PRRT4: variants seen among roughly 807,000 people sequenced by gnomAD.
The protein encoded by PRRT4 is proline-rich transmembrane protein 4.
In PRRT4, 59 loss-of-function variants were observed where a neutral mutation model predicts 55.6. That is an observed-to-expected ratio of 1.06 (90% CI 0.86 to 1.32). The LOEUF is 1.32. Among genes scored for constraint, PRRT4 ranks in the 40% most tolerant of loss-of-function variants. The pLI, the probability that PRRT4 is intolerant of heterozygous loss-of-function variation, is 0.00. For missense variants in PRRT4, 1,217 were observed against 1,222.0 expected, an observed-to-expected ratio of 1.00 and a Z score of 0.06; for synonymous variants, 606 against 601.8, an observed-to-expected ratio of 1.01 and a Z score of -0.10.
chr7:128,357,030 C>A (rs1158580257), intron 4 of PRRT4, among the ~76,000 whole-genome samples: 1 of 152,188 alleles, frequency 6.6e-6, no homozygotes, highest in Non-Finnish European at 1.5e-5. Flanking sequence ...ATGAAAGCTG[C>A]ACACTGATTA....
rs1452802736 is a variant in PRRT4, at chr7:128,359,129, T to C, written c.757+20A>G. 5.8e-6 allele frequency: 9 copies of C among 1,548,524 alleles called. No homozygotes were observed. Among genetic ancestry groups the C allele is most frequent in the African/African-American group, 2.7e-5 (2 of 72,960 alleles). On this transcript the variant is annotated intron_variant, in intron 3 of 4. Transcript: ENST00000535159. Reference sequence around the variant, plus strand: ...ACGTAGAGTGTTCCACAATAGTTTATTGCAATGAAATAAACTCACCCAGAG... The same window carrying C: ...ACGTAGAGTGTTCCACAATAGTTTACTGCAATGAAATAAACTCACCCAGAG...
Position 128,357,491 on chromosome 7 carries a change from A to G in PRRT4, c.877+1190T>C, listed in dbSNP as rs571336056. Among the ~76,000 whole-genome samples, 59 of 152,258 alleles carry G rather than the reference A, an allele frequency of 3.9e-4. 1 individual carries two copies. In the East Asian group the frequency reaches 0.011, roughly 29 times the overall value. On this transcript the variant is annotated intron_variant, in intron 4 of 4. Coordinates refer to ENST00000535159, the Ensembl canonical transcript of PRRT4. ...CACCAAGGCCGACAGACTGCCAGCC[A>G]GCATCCTTCCCCTGAGGCACAGAAA...
intron 4 of PRRT4, among the ~76,000 whole-genome samples, chr7:128,354,160 C>G (rs534310922): frequency 6.6e-6 from 1 of 152,292 alleles, no homozygotes; most frequent in East Asian, 1.9e-4. Flanking sequence ...CTGATAATCA[C>G]CCAACTGCCT....
chr7:128,351,585 G>A, exon 5 of PRRT4: 1 of 1,503,792 alleles, frequency 6.6e-7, no homozygotes, highest in Non-Finnish European at 8.8e-7. Flanking sequence ...CCTTGTCTGG[G>A]GGCCCAGTGA....
At position 128,358,905 on chromosome 7, in the gene PRRT4, T is replaced by C; in HGVS notation, c.758-105A>G. The C allele has an allele frequency of 6.9e-7, 1 of 1,453,714 alleles. No homozygotes were observed. Among genetic ancestry groups the C allele is most frequent in the Non-Finnish European group, 9.1e-7 (1 of 1,102,168 alleles). The allele number at this position is 1,453,714 out of a possible 1,614,324, so 90.1% of individuals were successfully genotyped here. ...TTCCCCAGAGTTTGTCCTAAGGAAG[T>C]CACTGTCCCAGGAATTGTAGCCACA... On this transcript the variant is annotated intron_variant, in intron 3 of 4. Transcript: ENST00000535159. The surrounding 1 kb of genome is among the most constrained non-coding windows in gnomAD (Gnocchi z 4.4).
upstream of PRRT4, among the ~76,000 whole-genome samples, chr7:128,361,874 C>T (rs1033827218): frequency 6.6e-6 from 1 of 152,186 alleles, no homozygotes; most frequent in East Asian, 1.9e-4. Context: ...ATTCACCCAG[C>T]GCTGTCAATC....
At chr7:128,351,071 G>C (rs975236404) in exon 5 of PRRT4, 6 of 1,549,076 alleles carry the variant, frequency 3.9e-6, no homozygotes, top group Non-Finnish European at 4.4e-6. Context: ...CAGACCAGAG[G>C]GCAGCGCGGG....
intron 4 of PRRT4, 81 bp from the exon 6 acceptor site, chr7:128,352,759 G>T: frequency 1.5e-6 from 2 of 1,310,178 alleles, no homozygotes; most frequent in Non-Finnish European, 2.0e-6. Flanking sequence ...CTGAATGCCA[G>T]TCAGAGTCCC....
intron 4 of PRRT4, among the ~76,000 whole-genome samples, chr7:128,357,228 ACACACACACTCTCTCT>A (rs1272178402): frequency 8.2e-6 from 1 of 121,856 alleles, no homozygotes; most frequent in African/African-American, 3.3e-5. Context: ...ACACACACAC[ACACACACACTCTCTCT>A]CTCTCTCTCT....
chr7:128,361,890 C>G (rs893994233), upstream of PRRT4, among the ~76,000 whole-genome samples: 5 of 152,140 alleles, frequency 3.3e-5, no homozygotes, highest in African/African-American at 1.2e-4. Context: ...CAATCAGCCG[C>G]GGCGGGCGCC....
At chr7:128,359,408 C>A in exon 2 of PRRT4, 9 of 1,465,716 alleles carry the variant, frequency 6.1e-6, no homozygotes, top group Non-Finnish European at 8.1e-6. Flanking sequence ...GGGCAGCGTT[C>A]GATGCCCAAG....
chr7:128,359,002 C>T (rs118083629), intron 3 of PRRT4, 147 bp downstream of exon 4: 11,668 of 1,155,376 alleles, frequency 0.01, 92 homozygotes, highest in Non-Finnish European at 0.013. Flanking sequence ...AGAGAATACT[C>T]CTTCCGTGGA....
chr7:128,359,059 T>TA lies in PRRT4; in HGVS notation c.757+89dup, dbSNP rs890782380. 150 of 1,381,052 alleles carry TA rather than the reference T, an allele frequency of 1.1e-4. No individual in the cohort carries two copies. In the African/African-American group the frequency reaches 2.0e-3, roughly 18 times the overall value. The allele number at this position is 1,381,052 out of a possible 1,614,324, so 85.5% of individuals were successfully genotyped here. On this transcript the variant is annotated intron_variant, in intron 3 of 4. Transcript: ENST00000535159. ...GCCTGGAAGAAGCAATGCAAGAAAGTAAAAAAAGAAAGGTACTTGTTAGGC... is the reference window on the plus strand; with the variant it reads ...GCCTGGAAGAAGCAATGCAAGAAAGTAAAAAAAAGAAAGGTACTTGTTAGGC...
chr7:128,357,616 G>A (rs1797143827), intron 4 of PRRT4, among the ~76,000 whole-genome samples: 1 of 152,234 alleles, frequency 6.6e-6, no homozygotes, highest in African/African-American at 2.4e-5. Context: ...TGCAGTGACT[G>A]TGGCTGGAGT....
intron 4 of PRRT4, among the ~76,000 whole-genome samples, chr7:128,354,570 A>AACACACAC (rs927167837): frequency 3.6e-5 from 3 of 83,486 alleles, no homozygotes; most frequent in South Asian, 7.2e-4. Context: ...GCTCAAAAAA[A>AACACACAC]ACACACACAC....
exon 2 of PRRT4, chr7:128,359,683 C>T (rs1303338424): frequency 6.4e-7 from 1 of 1,551,400 alleles, no homozygotes; most frequent in Admixed American, 2.0e-5. Context: ...CTGAGGAGCC[C>T]ACCAGCAATT....
exon 5 of PRRT4, chr7:128,351,166 G>A (rs959239800): frequency 1.4e-5 from 22 of 1,545,142 alleles, no homozygotes; most frequent in Non-Finnish European, 1.8e-5. Flanking sequence ...GCTGCTGCCT[G>A]CGGGCCAAGC....
In PRRT4 at chr7:128,351,443, C is replaced by T. The variant is rs1368452653; in HGVS notation, c.2113G>A (p.Ala705Thr). 1.4e-5 allele frequency: 21 copies of T among 1,523,850 alleles called. No homozygotes were observed. Among genetic ancestry groups the T allele is most frequent in the Non-Finnish European group, 1.7e-5 (19 of 1,134,388 alleles). The allele number at this position is 1,523,850 out of a possible 1,614,324, so 94.4% of individuals were successfully genotyped here. A position where few individuals can be genotyped will look rare whatever the true frequency, so the allele number is the denominator to read the frequency against. ...CAGGGAGAGGAAGCCGGGGACGGGG[C>T]CGGGTTGGCCGCCGCGCCTTCGAAG... Residue 705 changes from alanine to threonine, a missense_variant, in exon 5 of 5, where the codon GCC (alanine) becomes ACC (threonine). Physicochemically the swap from Ala to Thr is moderately conservative, Grantham distance 58. Transcript: ENST00000535159.
rs1281678571 is a variant in PRRT4 at position 128,358,700 on chromosome 7, C to T, written c.858G>A (p.Ser286=). The stretch of plus-strand genomic sequence containing the variant: ...ACTTACCTAATGATGTTGTTGCAAT[C>T]GAGGCAAAACTTAGGGAAGCAGCTG... Residue 286 remains serine, a synonymous_variant, in exon 4 of 5, where the codon TCG becomes TCA. Coordinates refer to ENST00000535159, the Ensembl canonical transcript of PRRT4. This position sits in a 1 kb window ranked among gnomAD's most constrained non-coding sequence, Gnocchi z 4.4. The T allele has an allele frequency of 5.2e-6, 8 of 1,551,672 alleles. No individual in the cohort carries two copies. The highest frequency in any genetic ancestry group is 3.6e-5 in the South Asian group (3 of 84,064).
Sources: gnomAD v4.1 joint callset for allele counts (sites outside exome capture counted in the v4.1 genomes callset) on GRCh38, gnomAD v4.1.1 for gene constraint, Gnocchi (gnomAD v3.1) non-coding constraint, MANE v1.5 for transcripts, NCBI Gene and HGNC (gene_info 2026-07-23, HGNC 2026-07-21) for gene names.